Variants in MSL3 observed in about 807,000 individuals in gnomAD.
MSL3 encodes MSL3-like 1.
Under a neutral mutation model 37.2 loss-of-function variants are expected in MSL3, and 5 were observed. The observed-to-expected ratio is 0.13, with a 90% CI of 0.07 to 0.28. The LOEUF is 0.28. MSL3 is among the 10% of genes least tolerant of loss of function. The probability of loss-of-function intolerance (pLI) is 1.00; values close to 1 mark genes in which losing one functional copy is unlikely to be tolerated. For synonymous variants in MSL3, 149 were observed against 147.6 expected (o/e 1.01, Z -0.07); for missense variants, 315 against 408.5 (o/e 0.77, Z 1.97).
At chrX:11,770,899 T>C (rs2053226811) in intron 10 of MSL3, among the ~76,000 whole-genome samples, 1 of 112,288 alleles carries the variant, frequency 8.9e-6, no homozygotes, top group African/African-American at 3.2e-5. Flanking sequence ...ACTTTCAGAA[T>C]GGTTCCAAAG....
chrX:11,764,074 G>A lies in MSL3; in HGVS notation c.908+136G>A, dbSNP rs1288048787. 5 of 567,227 alleles carry A rather than the reference G, an allele frequency of 8.8e-6. No homozygotes were observed. In the African/African-American group the frequency reaches 1.2e-4, roughly 13 times the overall value. 46.7% of individuals were successfully genotyped at this position (567,227 alleles called of 1,213,427 possible). A position where few individuals can be genotyped will look rare whatever the true frequency, so the allele number is the denominator to read the frequency against. ...AAGGAAATGAAAAGTGTGTGTCCTG[G>A]TGGTTTTCTTTTTTCCTGGGTAAGC... On this transcript the variant is annotated intron_variant, in intron 8 of 12. Transcript: ENST00000312196.
In MSL3 at chrX:11,758,734, C is replaced by G; in HGVS notation, c.102+369C>G. ...TGTCTCCTTCTGTGCGGCCTGGTGC[C>G]GGGTGGGCTCCTGTGGGACGCCCTG... On this transcript the variant is annotated intron_variant, in intron 1 of 12. Transcript: ENST00000312196. 4 of 1,167,002 alleles carry G rather than the reference C, an allele frequency of 3.4e-6. No individual in the cohort carries two copies. In the East Asian group the frequency reaches 1.3e-4, roughly 38 times the overall value.
rs142090839 is a variant in MSL3, at chrX:11,765,614, G to A, written c.1056G>A (p.Thr352=). The A allele has an allele frequency of 7.4e-6, 9 of 1,209,225 alleles. No individual in the cohort carries two copies. Among genetic ancestry groups the A allele is most frequent in the South Asian group, 3.5e-5 (2 of 56,704 alleles). Residue 352 remains threonine, a synonymous_variant, in exon 9 of 13, where the codon ACG becomes ACA. Transcript: ENST00000312196. ...PEALQSLRRS[T]RHSANCDRLS... ...CATTGCAGTCTCTGAGGCGGTCCACGCGCCACAGTGCCAACTGTGACAGGC... is the reference window on the plus strand; with the variant it reads ...CATTGCAGTCTCTGAGGCGGTCCACACGCCACAGTGCCAACTGTGACAGGC...
Position 11,775,027 on chromosome X carries a change from T to C in MSL3, c.1514T>C (p.Val505Ala), listed in dbSNP as rs1436463184. Residue 505 changes from valine to alanine, a missense_variant, in exon 13 of 13, where the codon GTC (valine) becomes GCC (alanine). By Grantham distance (64) the Val-to-Ala change is moderately conservative. Coordinates refer to ENST00000312196, the MANE Select transcript of MSL3 (RefSeq NM_078629.4). ...HDDFFPESAYVAACEAHYSTK... is the reference protein window; with the variant it reads ...HDDFFPESAYAAACEAHYSTK... ...GACTTCTTCCCAGAGTCGGCTTATG[T>C]CGCTGCCTGTGAGGCACATTACAGC... The C allele has an allele frequency of 1.7e-6, 2 of 1,210,773 alleles. No individual in the cohort carries two copies. Among genetic ancestry groups the C allele is most frequent in the South Asian group, 3.5e-5 (2 of 56,873 alleles).
chrX:11,774,680 T>G (rs1410034708), intron 12 of MSL3, among the ~76,000 whole-genome samples: 3 of 107,248 alleles, frequency 2.8e-5, no homozygotes, highest in Non-Finnish European at 5.8e-5. Context: ...ATTCATGGGC[T>G]TTTTTTTTTC....
Position 11,775,264 on chromosome X carries a change from A to C in MSL3, c.*185A>C. 1 of 402,647 alleles carries C rather than the reference A, an allele frequency of 2.5e-6. No individual in the cohort carries two copies. The highest frequency in any genetic ancestry group is 4.8e-5 in the Admixed American group (1 of 20,920). 33.2% of individuals were successfully genotyped at this position (402,647 alleles called of 1,213,427 possible). On this transcript the variant is annotated 3_prime_UTR_variant, in exon 13 of 13. Transcript: ENST00000312196. ...TTAGGAATGATTCCCTGGGTGCCTG[A>C]AAGTGCTCTGACACGACACTTGTTA... is the stretch of plus-strand genomic sequence containing the variant.
At position 11,763,782 on chromosome X, in the gene MSL3, T is replaced by C; in HGVS notation, c.752T>C (p.Val251Ala). The C allele has an allele frequency of 8.3e-7, 1 of 1,201,989 alleles. No homozygotes were observed. Among genetic ancestry groups the C allele is most frequent in the South Asian group, 1.8e-5 (1 of 55,766 alleles). The change falls in exon 8 of 13, where the codon GTT (valine) becomes GCT (alanine). Residue 251 changes from valine to alanine, a missense_variant and splice_region_variant. By Grantham distance (64) the Val-to-Ala change is moderately conservative. Coordinates refer to ENST00000312196, the MANE Select transcript of MSL3 (RefSeq NM_078629.4). The stretch of plus-strand genomic sequence containing the variant: ...TCTCTTCTTTTTAATCCTCCCAGTG[T>C]TGACCTTTGTAAGGAGATGGTGGAT... ...NVHYIPAEKN[V>A]DLCKEMVDGL...
At position 11,758,253 on chromosome X, in the gene MSL3, A is replaced by C; in HGVS notation, c.-11A>C. 1.1e-6 allele frequency: 1 copy of C among 898,148 alleles called. No individual in the cohort carries two copies. 74.0% of individuals were successfully genotyped at this position (898,148 alleles called of 1,213,427 possible). A position where few individuals can be genotyped will look rare whatever the true frequency, so the allele number is the denominator to read the frequency against. The stretch of plus-strand genomic sequence containing the variant: ...CCGCCCCGGAGCCTCGCCCTCCGCC[A>C]CGATGAGCAAATGAGCGCGAGCGAG... On this transcript the variant is annotated 5_prime_UTR_variant, in exon 1 of 13. Transcript: ENST00000312196.
intron 1 of MSL3, chrX:11,758,608 T>A: frequency 8.8e-7 from 1 of 1,140,185 alleles, no homozygotes; most frequent in Non-Finnish European, 1.2e-6. Context: ...GCCTCGCCCA[T>A]GCTTTGTCGC....
At chrX:11,761,336 A>G (rs951890130) in intron 4 of MSL3, among the ~76,000 whole-genome samples, 164 bp from the exon 5 acceptor site, 2 of 112,981 alleles carry the variant, frequency 1.8e-5, no homozygotes, top group Non-Finnish European at 3.7e-5. Flanking sequence ...TGTCAAAATA[A>G]ATTTCTATTG....
At chrX:11,770,873 A>G (rs898962512) in intron 10 of MSL3, among the ~76,000 whole-genome samples, 1 of 112,331 alleles carries the variant, frequency 8.9e-6, no homozygotes, top group African/African-American at 3.2e-5. Context: ...AAAGTCCTGT[A>G]TGTTTCCTTT....
chrX:11,774,731 A>G (rs2053259999), intron 12 of MSL3, among the ~76,000 whole-genome samples: 1 of 110,477 alleles, frequency 9.1e-6, no homozygotes. Context: ...ACTGCCACCT[A>G]GTGGAGTGTA....
chrX:11,765,650 C>A lies in MSL3; in HGVS notation c.1092C>A (p.Ser364Arg), dbSNP rs1266062549. The change falls in exon 9 of 13, where the codon AGC becomes AGA. Residue 364 changes from serine (S) to arginine (R), a missense_variant. By Grantham distance (110) the Ser-to-Arg change is moderately radical. Coordinates refer to ENST00000312196, the MANE Select transcript of MSL3 (RefSeq NM_078629.4). ...CCAACTGTGACAGGCTTTCTGAGAG[C>A]AGCGCTTCACCTCAGCCCAAGCGCC... ...HSANCDRLSE[S>R]SASPQPKRRQ... is the part of the protein sequence containing the mutation. 2 of 1,210,384 alleles carry A rather than the reference C, an allele frequency of 1.7e-6. No homozygotes were observed. The highest frequency in any genetic ancestry group is 2.2e-6 in the Non-Finnish European group (2 of 895,187).
chrX:11,770,562 C>G (rs913879328), intron 10 of MSL3, among the ~76,000 whole-genome samples: 1 of 111,022 alleles, frequency 9.0e-6, no homozygotes, highest in African/African-American at 3.3e-5. Context: ...GGATTCCCAC[C>G]TTCTTACGTA....
intron 9 of MSL3, 94 bp from the exon 10 acceptor site, chrX:11,768,479 C>A: frequency 1.8e-6 from 1 of 567,040 alleles, no homozygotes; most frequent in Non-Finnish European, 2.9e-6. Context: ...TTTCTGAGAA[C>A]CAAGTTTAGA....
In MSL3 at chrX:11,758,590, G is replaced by T. The variant is rs546235562; in HGVS notation, c.102+225G>T. The T allele has an allele frequency of 3.3e-5, 37 of 1,119,107 alleles. No individual in the cohort carries two copies. The South Asian group carries it at 7.6e-4, about 23-fold the overall frequency. 92.2% of individuals were successfully genotyped at this position (1,119,107 alleles called of 1,213,427 possible). A position where few individuals can be genotyped will look rare whatever the true frequency, so the allele number is the denominator to read the frequency against. On this transcript the variant is annotated intron_variant, in intron 1 of 12. Coordinates refer to ENST00000312196, the MANE Select transcript of MSL3 (RefSeq NM_078629.4). ...CCGTCAGGCCGGGCGGCGCACGCGC[G>T]GTTGGGAGCCTCGCCCATGCTTTGT...
intron 10 of MSL3, chrX:11,768,922 A>G (rs756318189): frequency 2.7e-5 from 9 of 330,053 alleles, no homozygotes; most frequent in Non-Finnish European, 4.8e-5. Flanking sequence ...TTGAAATACC[A>G]GTATTTTTAC....
At position 11,763,875 on chromosome X, in the gene MSL3, A is replaced by G; in HGVS notation, c.845A>G (p.Tyr282Cys). The change falls in exon 8 of 13, where the codon TAT (tyrosine) becomes TGT (cysteine). Residue 282 changes from tyrosine (Y) to cysteine (C), a missense_variant. By Grantham distance (194) the Tyr-to-Cys change is radical. Transcript: ENST00000312196. ...VLLYPYEQAQ[Y>C]KKVTSSKFFL... The stretch of plus-strand genomic sequence containing the variant: ...CTCTATCCATATGAACAAGCTCAGT[A>G]TAAAAAGGTGACTTCGTCTAAATTT... The G allele has an allele frequency of 8.3e-7, 1 of 1,208,894 alleles. No homozygotes were observed. Among genetic ancestry groups the G allele is most frequent in the Admixed American group, 2.2e-5 (1 of 45,810 alleles).
chrX:11,768,029 T>C (rs1409293405), intron 9 of MSL3: 1 of 639,468 alleles, frequency 1.6e-6, no homozygotes, highest in Admixed American at 8.8e-5. Context: ...GAAATTCACA[T>C]ATAAAATTAA....
Sources: allele counts gnomAD v4.1 joint callset (sites outside exome capture counted in the v4.1 genomes callset), GRCh38; gene constraint gnomAD v4.1.1; transcripts MANE v1.5; gene names NCBI Gene and HGNC (gene_info 2026-07-23, HGNC 2026-07-21).